Variants in DGKB observed in about 807,000 individuals in gnomAD.
The protein encoded by DGKB is 90 kDa diacylglycerol kinase.
A neutral mutation model predicts 114.3 loss-of-function variants in DGKB; 67 were observed. The ratio of observed to expected loss-of-function variants is 0.59; its 90% CI spans 0.48 to 0.72. The LOEUF is 0.72. Among genes scored for constraint, DGKB ranks in the 30% least tolerant of loss-of-function variants. DGKB has a pLI of 0.00. For missense variants in DGKB, 907 were observed against 975.2 expected, an observed-to-expected ratio of 0.93 and a Z score of 0.93; for synonymous variants, 398 against 323.1, an observed-to-expected ratio of 1.23 and a Z score of -2.49.
At chr7:14,808,809 T>G (rs1169142597) in intron 2 of DGKB, among the ~76,000 whole-genome samples, 1 of 152,126 alleles carries the variant, frequency 6.6e-6, no homozygotes, top group African/African-American at 2.4e-5. Context: ...GTCCTTATCT[T>G]AGATCTGTAA....
At chr7:14,382,770 G>A (rs1819691168) in intron 21 of DGKB, among the ~76,000 whole-genome samples, 1 of 152,178 alleles carries the variant, frequency 6.6e-6, no homozygotes, top group Admixed American at 6.5e-5. Flanking sequence ...ATAACAGAGA[G>A]TGCTTGAAGA....
At chr7:14,500,144 T>G (rs1785920621) in intron 20 of DGKB, among the ~76,000 whole-genome samples, 1 of 151,920 alleles carries the variant, frequency 6.6e-6, no homozygotes, top group African/African-American at 2.4e-5. Context: ...CTTTTAAATA[T>G]TTTATTTGCT....
chr7:14,172,935 GAAGGATGGGGGAGGAAGAAGA>G, intron 25 of DGKB, among the ~76,000 whole-genome samples: 1 of 152,228 alleles, frequency 6.6e-6, no homozygotes, highest in African/African-American at 2.4e-5. Flanking sequence ...TGCTCAGGAG[GAAGGATGGGGGAGGAAGAAGA>G]AAGAATAAAA....
chr7:14,392,948 C>G (rs1204613630), intron 21 of DGKB, among the ~76,000 whole-genome samples: 1 of 149,354 alleles, frequency 6.7e-6, no homozygotes, highest in African/African-American at 2.4e-5. Flanking sequence ...GGGAAGGGCT[C>G]AGCCAATTAT....
At chr7:14,338,033 A>G (rs1810983113) in intron 23 of DGKB, among the ~76,000 whole-genome samples, 1 of 152,124 alleles carries the variant, frequency 6.6e-6, no homozygotes, top group African/African-American at 2.4e-5. Flanking sequence ...AAAATTTATC[A>G]TGGGATATTT....
chr7:14,358,042 A>T (rs986089096), intron 21 of DGKB, among the ~76,000 whole-genome samples: 1 of 151,058 alleles, frequency 6.6e-6, no homozygotes, highest in Non-Finnish European at 1.5e-5. Flanking sequence ...CTTCATTTCA[A>T]CCTTGGTGAA....
At position 14,146,629 on chromosome 7, in the gene DGKB, C is replaced by A. The variant is rs1054727562; in HGVS notation, c.*2502G>T. 2 of 151,980 alleles carry A rather than the reference C, an allele frequency of 1.3e-5. No individual in the cohort carries two copies. The highest frequency in any genetic ancestry group is 3.8e-4 in the East Asian group (2 of 5,198). The allele number at this position is 151,980 out of a possible 1,614,324, so 9.4% of individuals were successfully genotyped here. A position where few individuals can be genotyped will look rare whatever the true frequency, so the allele number is the denominator to read the frequency against. On this transcript the variant is annotated 3_prime_UTR_variant, in exon 26 of 26. Transcript: ENST00000402815. ...CTCTGATTTCAAACCCATCAAGTTA[C>A]GTTTTTAAAAACTACTTTCCAAACC...
chr7:14,839,934 T>C (rs1231171623), intron 2 of DGKB, among the ~76,000 whole-genome samples: 1 of 152,228 alleles, frequency 6.6e-6, no homozygotes, highest in East Asian at 1.9e-4. Flanking sequence ...AGGAAGCTTC[T>C]AGAATACCTT....
At chr7:14,433,012 A>T (rs1828699788) in intron 21 of DGKB, among the ~76,000 whole-genome samples, 1 of 152,130 alleles carries the variant, frequency 6.6e-6, no homozygotes. Context: ...TGCTTTGGTG[A>T]TATTCCCAGA....
Position 14,841,457 on chromosome 7 carries a change from A to C in DGKB, c.-187-7T>G, listed in dbSNP as rs1202938728. On this transcript the variant is annotated splice_region_variant and splice_polypyrimidine_tract_variant and intron_variant, in intron 1 of 25. Transcript: ENST00000402815. ...TCAATAATGTGTTAAAGAACTGCAAAAAAAAAAAACAGATCAAGATCAAAA... is the reference window on the plus strand; with the variant it reads ...TCAATAATGTGTTAAAGAACTGCAACAAAAAAAAACAGATCAAGATCAAAA... 4.8e-6 allele frequency: 1 copy of C among 207,896 alleles called. No homozygotes were observed. Among genetic ancestry groups the C allele is most frequent in the South Asian group, 1.5e-4 (1 of 6,636 alleles). The allele number at this position is 207,896 out of a possible 1,614,324, so 12.9% of individuals were successfully genotyped here.
intron 23 of DGKB, among the ~76,000 whole-genome samples, chr7:14,262,659 A>G (rs38281): frequency 0.058 from 8,808 of 152,222 alleles, 331 homozygotes; most frequent in East Asian, 0.17. Context: ...AAGATTTCTG[A>G]GCTCAGAGCC....
At chr7:14,374,219 A>G (rs1818135017) in intron 21 of DGKB, among the ~76,000 whole-genome samples, 1 of 152,108 alleles carries the variant, frequency 6.6e-6, no homozygotes, top group Admixed American at 6.6e-5. Context: ...AAAGCAGTGG[A>G]TACTAAGACC....
At chr7:14,447,450 T>G (rs1171872510) in intron 21 of DGKB, among the ~76,000 whole-genome samples, 1 of 152,130 alleles carries the variant, frequency 6.6e-6, no homozygotes, top group Non-Finnish European at 1.5e-5. Context: ...ATTAATTTAT[T>G]GATATGGGTC....
chr7:14,379,668 T>A (rs2128676498), intron 21 of DGKB, among the ~76,000 whole-genome samples: 1 of 152,268 alleles, frequency 6.6e-6, no homozygotes, highest in Admixed American at 6.5e-5. Flanking sequence ...CAAGCAATTC[T>A]CCTCTCTCAG....
At chr7:14,301,115 G>A (rs1203496176) in intron 23 of DGKB, among the ~76,000 whole-genome samples, 2 of 152,036 alleles carry the variant, frequency 1.3e-5, no homozygotes, top group African/African-American at 4.8e-5. Context: ...CACTTTTTCT[G>A]AAGTTTATCT....
intron 21 of DGKB, among the ~76,000 whole-genome samples, chr7:14,379,807 C>A (rs1288064738): frequency 6.6e-6 from 1 of 151,978 alleles, no homozygotes; most frequent in Non-Finnish European, 1.5e-5. Flanking sequence ...ATCTGCCCGC[C>A]TCGGCCTCCC....
At chr7:14,339,358 C>T (rs560304233) in intron 22 of DGKB, among the ~76,000 whole-genome samples, 34 of 131,452 alleles carry the variant, frequency 2.6e-4, no homozygotes, top group African/African-American at 6.5e-4. Context: ...TATGGAGGGC[C>T]GGGTAGATTG....
At chr7:14,257,557 G>T (rs1412543390) in intron 23 of DGKB, among the ~76,000 whole-genome samples, 1 of 152,074 alleles carries the variant, frequency 6.6e-6, no homozygotes, top group Non-Finnish European at 1.5e-5. Context: ...CCCCCATGCT[G>T]TTCTCGTGAT....
intron 20 of DGKB, among the ~76,000 whole-genome samples, chr7:14,484,202 C>G (rs1331312042): frequency 6.6e-6 from 1 of 152,112 alleles, no homozygotes; most frequent in African/African-American, 2.4e-5. Context: ...ATAGGCATAG[C>G]AAAGCCTATA....
Sources: gnomAD v4.1 joint callset for allele counts (sites outside exome capture counted in the v4.1 genomes callset) on GRCh38, gnomAD v4.1.1 for gene constraint, MANE v1.5 for transcripts, NCBI Gene and HGNC (gene_info 2026-07-23, HGNC 2026-07-21) for gene names.